The following PSD3 variants were observed in gnomAD, a reference collection of about 807,000 sequenced individuals.
The protein encoded by PSD3 is pleckstrin and Sec7 domain containing 3.
In PSD3, 49 loss-of-function variants were observed where a neutral mutation model predicts 105.5. That is an observed-to-expected ratio of 0.46 (90% confidence interval 0.37 to 0.59). The LOEUF (loss-of-function observed/expected upper bound fraction) is 0.59, where lower values mean the gene tolerates loss of function less well. Among genes scored for constraint, PSD3 ranks in the 20% least tolerant of loss-of-function variants. The probability of loss-of-function intolerance (pLI) is 0.00; values close to 1 mark genes in which losing one functional copy is unlikely to be tolerated. For synonymous variants in PSD3, 557 were observed against 457.8 expected, an observed-to-expected ratio of 1.22 and a Z score of -2.77; for missense variants, 1,561 against 1,263.8, an observed-to-expected ratio of 1.24 and a Z score of -3.57.
At chr8:18,673,431 C>T (rs1050415211) in intron 9 of PSD3, among the ~76,000 whole-genome samples, 2 of 152,114 alleles carry the variant, frequency 1.3e-5, no homozygotes, top group Non-Finnish European at 2.9e-5. Flanking sequence ...GTTGTTTACT[C>T]AGTTTTCTAC....
At chr8:19,080,450 A>G (rs1829607014) in intron 1 of PSD3, among the ~76,000 whole-genome samples, 1 of 152,198 alleles carries the variant, frequency 6.6e-6, no homozygotes, top group Non-Finnish European at 1.5e-5. Flanking sequence ...TTCAGACATT[A>G]GTTTGATTTT....
chr8:18,826,017 G>A (rs770924637), intron 4 of PSD3, among the ~76,000 whole-genome samples: 17 of 152,260 alleles, frequency 1.1e-4, no homozygotes, highest in Non-Finnish European at 2.1e-4. Context: ...TGAGTAAAGC[G>A]GATGGCCCTC....
rs184927683 is a variant in PSD3, at chr8:18,668,318, G to C, written c.2173-12633C>G. ...AAACACGGCAAAATTTCCAATTTTT[G>C]ATTTATAGACAAACTTCTGAATATT... On this transcript the variant is annotated intron_variant, in intron 9 of 15. Coordinates refer to ENST00000327040, the MANE Select transcript of PSD3 (RefSeq NM_015310.4). Among the ~76,000 whole-genome samples, 282 of 152,350 alleles carry C rather than the reference G, an allele frequency of 1.9e-3. 2 individuals carry two copies. Among genetic ancestry groups the C allele is most frequent in the Non-Finnish European group, 2.7e-3 (182 of 68,030 alleles).
At chr8:18,699,461 C>T (rs558206907) in intron 9 of PSD3, among the ~76,000 whole-genome samples, 49 of 152,266 alleles carry the variant, frequency 3.2e-4, no homozygotes, top group Admixed American at 1.7e-3. Flanking sequence ...TCAGGCAAGA[C>T]GACCCAACAT....
chr8:18,906,822 A>G (rs1044993987), intron 2 of PSD3, among the ~76,000 whole-genome samples: 1 of 152,226 alleles, frequency 6.6e-6, no homozygotes, highest in Non-Finnish European at 1.5e-5. Context: ...AAGATTATAT[A>G]CCTAATTATA....
chr8:18,620,620 G>A (rs562917477), intron 11 of PSD3, among the ~76,000 whole-genome samples: 1 of 152,044 alleles, frequency 6.6e-6, no homozygotes, highest in Non-Finnish European at 1.5e-5. Context: ...GAGGTAGGGG[G>A]GACTGCTTGA....
At chr8:18,639,954 C>T (rs570261587) in intron 10 of PSD3, among the ~76,000 whole-genome samples, 1 of 152,242 alleles carries the variant, frequency 6.6e-6, no homozygotes, top group South Asian at 2.1e-4. Context: ...TAGATCTCAG[C>T]CTCCTCATAT....
At chr8:18,884,150 G>T (rs1364483692) in intron 2 of PSD3, among the ~76,000 whole-genome samples, 4 of 151,992 alleles carry the variant, frequency 2.6e-5, no homozygotes, top group Non-Finnish European at 4.4e-5. Context: ...CTGTAAGATT[G>T]GAAGATAAAT....
intron 4 of PSD3, among the ~76,000 whole-genome samples, chr8:18,858,050 A>C (rs536599416): frequency 6.6e-6 from 1 of 152,332 alleles, no homozygotes; most frequent in Non-Finnish European, 1.5e-5. Context: ...CACCATGACC[A>C]CTGTCTGTCT....
chr8:18,550,935 T>C (rs1258455421), intron 15 of PSD3, among the ~76,000 whole-genome samples: 4 of 152,232 alleles, frequency 2.6e-5, no homozygotes, highest in Non-Finnish European at 5.9e-5. Flanking sequence ...CTTACTAAGA[T>C]TGAGACTTTT....
intron 11 of PSD3, among the ~76,000 whole-genome samples, chr8:18,619,986 A>G (rs1396027898): frequency 2.0e-5 from 3 of 152,168 alleles, no homozygotes; most frequent in Admixed American, 6.6e-5. Context: ...CAACACCTCA[A>G]AAGTCTGAAA....
intron 1 of PSD3, among the ~76,000 whole-genome samples, chr8:18,962,391 CT>C (rs1823980306): frequency 6.6e-6 from 1 of 152,020 alleles, no homozygotes; most frequent in Non-Finnish European, 1.5e-5. Flanking sequence ...TAAAAATTTC[CT>C]CAACATTAAA....
At chr8:18,888,790 T>C (rs956168011) in intron 2 of PSD3, among the ~76,000 whole-genome samples, 1 of 152,176 alleles carries the variant, frequency 6.6e-6, no homozygotes, top group Non-Finnish European at 1.5e-5. Flanking sequence ...CTATGAGATG[T>C]AAGCTGGATT....
chr8:19,065,484 C>T (rs1829046364), intron 1 of PSD3, among the ~76,000 whole-genome samples: 1 of 152,178 alleles, frequency 6.6e-6, no homozygotes, highest in Non-Finnish European at 1.5e-5. Flanking sequence ...TATGTCTGGG[C>T]CTCCAGAATT....
At chr8:18,538,055 G>A (rs1435147551) in intron 15 of PSD3, among the ~76,000 whole-genome samples, 8 of 152,204 alleles carry the variant, frequency 5.3e-5, no homozygotes, top group Admixed American at 5.2e-4. Context: ...CAGTAGGTAT[G>A]AGGAAATAGG....
At chr8:18,647,839 C>A (rs1459603851) in intron 10 of PSD3, among the ~76,000 whole-genome samples, 1 of 152,092 alleles carries the variant, frequency 6.6e-6, no homozygotes, top group Non-Finnish European at 1.5e-5. Flanking sequence ...GTTAAGTCAT[C>A]ATGAGATCTG....
At chr8:18,564,932 G>T (rs527989885) in intron 14 of PSD3, among the ~76,000 whole-genome samples, 98 of 152,222 alleles carry the variant, frequency 6.4e-4, no homozygotes, top group African/African-American at 2.3e-3. Flanking sequence ...AGTACCCATG[G>T]ATTCAAACTT....
chr8:18,656,637 T>C (rs1808916471), intron 9 of PSD3, among the ~76,000 whole-genome samples: 1 of 152,170 alleles, frequency 6.6e-6, no homozygotes, highest in Admixed American at 6.5e-5. Context: ...AGCACAAGAC[T>C]GCTACCCTGA....
chr8:19,006,987 G>T (rs1446505560), intron 1 of PSD3, among the ~76,000 whole-genome samples: 1 of 152,068 alleles, frequency 6.6e-6, no homozygotes, highest in Non-Finnish European at 1.5e-5. Flanking sequence ...GGGCCCAGTG[G>T]CTCACACCTG....
Sources: allele counts gnomAD v4.1 joint callset (sites outside exome capture counted in the v4.1 genomes callset), GRCh38; gene constraint gnomAD v4.1.1; transcripts MANE v1.5; gene names NCBI Gene and HGNC (gene_info 2026-07-23, HGNC 2026-07-21).